The following SDK1 variants were observed in gnomAD, a reference collection of about 807,000 sequenced individuals.
SDK1 encodes protein sidekick-1.
SDK1 carries 157 observed loss-of-function variants against 245.5 expected under a neutral mutation model. The ratio of observed to expected loss-of-function variants is 0.64; its 90% CI spans 0.56 to 0.73. The LOEUF (loss-of-function observed/expected upper bound fraction) is 0.73. Among genes scored for constraint, SDK1 ranks in the 30% least tolerant of loss-of-function variants. The pLI is 0.00. For missense variants in SDK1, 3,583 were observed against 3,002.3 expected, an observed-to-expected ratio of 1.19 and a Z score of -4.52; for synonymous variants, 1,647 against 1,278.5, an observed-to-expected ratio of 1.29 and a Z score of -6.15.
chr7:3,421,057 A>C (rs945787105), intron 1 of SDK1, among the ~76,000 whole-genome samples: 2 of 145,802 alleles, frequency 1.4e-5, no homozygotes, highest in African/African-American at 5.1e-5. Context: ...AGCTTTTATC[A>C]ATTTTTTTTT....
chr7:3,662,124 C>T (rs544436902), intron 4 of SDK1, among the ~76,000 whole-genome samples: 6 of 141,500 alleles, frequency 4.2e-5, no homozygotes, highest in African/African-American at 1.6e-4. Context: ...TGGTTACTTT[C>T]ATCCCATCTG....
chr7:3,691,286 T>C (rs1220589181), intron 4 of SDK1, among the ~76,000 whole-genome samples: 1 of 152,196 alleles, frequency 6.6e-6, no homozygotes, highest in African/African-American at 2.4e-5. Context: ...TGCCATAGAA[T>C]GAAAATGTCT....
chr7:3,696,921 A>C (rs75423247), intron 4 of SDK1, among the ~76,000 whole-genome samples: 1 of 151,878 alleles, frequency 6.6e-6, no homozygotes, highest in Non-Finnish European at 1.5e-5. Context: ...AAAAAAAAAA[A>C]CTCATAAGTA....
chr7:3,683,595 G>A (rs113412779), intron 4 of SDK1, among the ~76,000 whole-genome samples: 17 of 152,154 alleles, frequency 1.1e-4, no homozygotes, highest in South Asian at 2.1e-4. Context: ...GAGCAGCCCC[G>A]TTCCTCCCAG....
intron 13 of SDK1, among the ~76,000 whole-genome samples, chr7:3,980,358 C>T (rs1783305235): frequency 6.6e-6 from 1 of 151,992 alleles, no homozygotes; most frequent in African/African-American, 2.4e-5. Context: ...GGTGGTTTTC[C>T]CCCTATTCTC....
intron 4 of SDK1, among the ~76,000 whole-genome samples, chr7:3,687,887 C>T (rs1784336890): frequency 6.6e-6 from 1 of 152,108 alleles, no homozygotes; most frequent in Non-Finnish European, 1.5e-5. Flanking sequence ...GATAAAGGTA[C>T]CCAGGATTGC....
chr7:4,022,529 G>T (rs1388374759), intron 17 of SDK1, among the ~76,000 whole-genome samples: 1 of 152,170 alleles, frequency 6.6e-6, no homozygotes, highest in Non-Finnish European at 1.5e-5. Context: ...ATATGCCTGG[G>T]CTGAGGGAGG....
At chr7:4,237,302 C>A (rs184471794) in intron 41 of SDK1, among the ~76,000 whole-genome samples, 370 of 151,990 alleles carry the variant, frequency 2.4e-3, no homozygotes, top group African/African-American at 8.6e-3. Flanking sequence ...TAAGAGAAAG[C>A]AAGCAGGAAG....
chr7:3,480,821 C>G (rs567781114), intron 1 of SDK1, among the ~76,000 whole-genome samples: 2 of 152,196 alleles, frequency 1.3e-5, no homozygotes, highest in Non-Finnish European at 2.9e-5. Context: ...ATGGATTCAT[C>G]TCTAGAGCTT....
At chr7:3,474,934 C>T (rs1781306950) in intron 1 of SDK1, among the ~76,000 whole-genome samples, 1 of 152,124 alleles carries the variant, frequency 6.6e-6, no homozygotes, top group Admixed American at 6.5e-5. Context: ...TCAAGTGAGC[C>T]TCCTTCCTGG....
At chr7:3,522,766 C>T (rs1782984844) in intron 1 of SDK1, among the ~76,000 whole-genome samples, 1 of 152,116 alleles carries the variant, frequency 6.6e-6, no homozygotes, top group Non-Finnish European at 1.5e-5. Context: ...CTTTAAGGTT[C>T]ACAGAACCTT....
At chr7:3,637,554 T>C (rs1782503371) in intron 2 of SDK1, among the ~76,000 whole-genome samples, 1 of 152,170 alleles carries the variant, frequency 6.6e-6, no homozygotes, top group Non-Finnish European at 1.5e-5. Flanking sequence ...CGAGTGGCGG[T>C]TGGTTACCTA....
chr7:3,640,686 T>G (rs1782620076), intron 3 of SDK1, among the ~76,000 whole-genome samples: 1 of 152,114 alleles, frequency 6.6e-6, no homozygotes, highest in Non-Finnish European at 1.5e-5. Context: ...CTCTTCAATT[T>G]TTTTTTTTCT....
rs113917650 is a variant in SDK1, at chr7:3,380,796, T to A, written c.298+78912T>A. ...GTGATTCAGGCGAAAGGGAAGGGCC[T>A]GCTAGTTGGCTTGTCCTTTTTATTT... is the stretch of plus-strand genomic sequence containing the variant. On this transcript the variant is annotated intron_variant, in intron 1 of 44. Transcript: ENST00000404826. Among the ~76,000 whole-genome samples, 464 of 152,312 alleles carry A rather than the reference T, an allele frequency of 3.0e-3. 3 individuals carry two copies. Among genetic ancestry groups the A allele is most frequent in the Middle Eastern group, 0.014 (4 of 294 alleles).
At position 3,415,555 on chromosome 7, in the gene SDK1, A is replaced by G. The variant is rs180771271; in HGVS notation, c.298+113671A>G. On this transcript the variant is annotated intron_variant, in intron 1 of 44. Coordinates refer to ENST00000404826, the MANE Select transcript of SDK1 (RefSeq NM_152744.4). Reference sequence around the variant, plus strand: ...GTTAAGAAAACCACAAAGTAATACTATGTATTGCTCATAGATGGAAATGCC... The same window carrying G: ...GTTAAGAAAACCACAAAGTAATACTGTGTATTGCTCATAGATGGAAATGCC... 7.2e-5 allele frequency among the ~76,000 whole-genome samples: 11 copies of G among 152,174 alleles called. No homozygotes were observed. In the South Asian group the frequency reaches 8.3e-4, roughly 12 times the overall value.
In SDK1 at chr7:3,863,803, G is replaced by A. The variant is rs6978573; in HGVS notation, c.847+42220G>A. ...AAGGCTGAAGAATATTCCATCGTAC[G>A]GATGGACCCCATTGGTTTATCCACT... On this transcript the variant is annotated intron_variant, in intron 5 of 44. Coordinates refer to ENST00000404826, the MANE Select transcript of SDK1 (RefSeq NM_152744.4). 3.2e-3 allele frequency among the ~76,000 whole-genome samples: 492 copies of A among 152,296 alleles called. 1 individual carries two copies. The highest frequency in any genetic ancestry group is 7.4e-3 in the African/African-American group (309 of 41,558).
intron 17 of SDK1, among the ~76,000 whole-genome samples, chr7:4,043,897 A>G (rs1428772831): frequency 6.6e-6 from 1 of 151,820 alleles, no homozygotes; most frequent in Non-Finnish European, 1.5e-5. Flanking sequence ...TTCTAAGAGA[A>G]AACGTCACAA....
intron 19 of SDK1, among the ~76,000 whole-genome samples, chr7:4,055,368 G>A (rs1779130288): frequency 1.3e-5 from 2 of 152,146 alleles, no homozygotes; most frequent in Admixed American, 6.5e-5. Context: ...TCAGATTTGT[G>A]AGTATGAAAA....
chr7:3,574,971 T>G (rs1488437896), intron 1 of SDK1, among the ~76,000 whole-genome samples: 1 of 152,070 alleles, frequency 6.6e-6, no homozygotes, highest in Non-Finnish European at 1.5e-5. Context: ...TAGTCATGTC[T>G]GGAGTTACCC....
Sources: gnomAD v4.1 joint callset for allele counts (sites outside exome capture counted in the v4.1 genomes callset) on GRCh38, gnomAD v4.1.1 for gene constraint, MANE v1.5 for transcripts, NCBI Gene and HGNC (gene_info 2026-07-23, HGNC 2026-07-21) for gene names.